Variants in ANO1 observed in about 807,000 individuals in gnomAD.
ANO1 encodes the protein anoctamin-1.
In ANO1, 59 loss-of-function variants were observed where a neutral mutation model predicts 124.0. The ratio of observed to expected loss-of-function variants is 0.48; its 90% CI spans 0.39 to 0.59. ANO1 has a LOEUF of 0.59. ANO1 is among the 20% of genes least tolerant of loss of function. The pLI is 0.00. For synonymous variants in ANO1, 529 were observed against 532.0 expected (o/e 0.99, Z 0.08); for missense variants, 1,059 against 1,328.0 (o/e 0.80, Z 3.15).
At chr11:70,002,496 G>C (rs4980574) in intron 1 of ANO1, among the ~76,000 whole-genome samples, 70,835 of 146,980 alleles carry the variant, frequency 0.48, 18,479 homozygotes, top group East Asian at 0.89. Context: ...AAACACTTAC[G>C]ATTATGTTGC....
intron 17 of ANO1, 94 bp from the exon 18 acceptor site, chr11:70,161,528 T>A: frequency 6.9e-7 from 1 of 1,444,732 alleles, no homozygotes; most frequent in South Asian, 1.2e-5. Context: ...GAGAGCCGAC[T>A]GAGTGACTGT....
intron 22 of ANO1, among the ~76,000 whole-genome samples, chr11:70,177,595 T>C (rs1433975385): frequency 1.5e-3 from 12 of 8,162 alleles, no homozygotes; most frequent in Admixed American, 4.4e-3. Context: ...TTTTTTTTTC[T>C]TTTTTTTTTT....
intron 1 of ANO1, among the ~76,000 whole-genome samples, chr11:70,042,126 G>A (rs543858447): frequency 6.6e-5 from 10 of 152,198 alleles, no homozygotes; most frequent in South Asian, 2.1e-4. Flanking sequence ...TGAGAGGCTC[G>A]CAATTCTGAC....
At chr11:69,973,973 C>T in the ANO1 span, among the ~76,000 whole-genome samples, 6 of 151,866 alleles carry the variant, frequency 4.0e-5, no homozygotes, top group African/African-American at 1.5e-4. Flanking sequence ...TGGAAGTTCA[C>T]AGGAAAAAAT....
intron 2 of ANO1, among the ~76,000 whole-genome samples, chr11:70,101,585 C>CAAAA (rs71463659): frequency 0.18 from 13,655 of 75,218 alleles, 1,166 homozygotes; most frequent in Middle Eastern, 0.25. Context: ...GATTAAAAAC[C>CAAAA]AAAAAAAAAA....
intron 1 of ANO1, among the ~76,000 whole-genome samples, chr11:69,997,623 TTG>T (rs2120341718): frequency 6.6e-6 from 1 of 152,302 alleles, no homozygotes; most frequent in Non-Finnish European, 1.5e-5. Context: ...AAATCTCACG[TTG>T]AAATGTAATC....
intron 1 of ANO1, among the ~76,000 whole-genome samples, chr11:69,990,646 G>A (rs894995283): frequency 7.9e-5 from 12 of 152,182 alleles, no homozygotes; most frequent in Non-Finnish European, 1.8e-4. Flanking sequence ...ATCCTTAGCA[G>A]CACTTGATAT....
chr11:70,104,517 C>T (rs1309764714), intron 4 of ANO1, among the ~76,000 whole-genome samples: 3 of 152,162 alleles, frequency 2.0e-5, no homozygotes, highest in Admixed American at 6.5e-5. Context: ...CAGCCTTGAG[C>T]CCCAGTAAGT....
chr11:69,997,289 C>T (rs1856288457), intron 1 of ANO1, among the ~76,000 whole-genome samples: 1 of 151,952 alleles, frequency 6.6e-6, no homozygotes. Flanking sequence ...CCCACCCCCA[C>T]CTCCACTGCA....
chr11:70,123,149 G>A (rs1030648007), intron 8 of ANO1, among the ~76,000 whole-genome samples: 2 of 152,114 alleles, frequency 1.3e-5, no homozygotes, highest in East Asian at 1.9e-4. Flanking sequence ...CAGGACTCTC[G>A]ATTCGGGGGT....
At chr11:70,080,756 G>A (rs970975482) in intron 1 of ANO1, among the ~76,000 whole-genome samples, 2 of 152,220 alleles carry the variant, frequency 1.3e-5, no homozygotes, top group African/African-American at 4.8e-5. Context: ...ACTTTGTTTT[G>A]TGAGCTTGGA....
chr11:70,077,017 T>G (rs2135156140), upstream of ANO1, among the ~76,000 whole-genome samples: 1 of 141,366 alleles, frequency 7.1e-6, no homozygotes, highest in African/African-American at 2.6e-5. Flanking sequence ...GGCTGGAAGG[T>G]GCCAGAGCTG....
At chr11:70,015,101 C>T (rs2134980895) in intron 1 of ANO1, 1 of 152,000 alleles carries the variant, frequency 6.6e-6, no homozygotes. Flanking sequence ...GGCCACTGTC[C>T]CTTTTGGCTC....
At chr11:70,056,142 A>G (rs1358325016) in intron 1 of ANO1, 3 of 152,034 alleles carry the variant, frequency 2.0e-5, no homozygotes, top group Non-Finnish European at 2.9e-5. Context: ...TCATACTTTC[A>G]TATGGGATTA....
chr11:70,079,666 T>C (rs914172331), intron 1 of ANO1, among the ~76,000 whole-genome samples: 1 of 152,182 alleles, frequency 6.6e-6, no homozygotes, highest in Non-Finnish European at 1.5e-5. Context: ...CTTCTTCCCA[T>C]GCAGACCCCA....
chr11:70,163,527 G>A (rs2048136021), intron 19 of ANO1, 187 bp downstream of exon 19: 1 of 695,296 alleles, frequency 1.4e-6, no homozygotes, highest in Non-Finnish European at 2.5e-6. Context: ...TATCTGGTGT[G>A]TTCATATAGA....
At chr11:70,111,916 C>A (rs937699761) in intron 7 of ANO1, among the ~76,000 whole-genome samples, 154 bp downstream of exon 7, 1 of 152,244 alleles carries the variant, frequency 6.6e-6, no homozygotes, top group African/African-American at 2.4e-5. Context: ...CTTCCCTGTT[C>A]CCCGGGTGGG....
intron 1 of ANO1, 36 bp from the exon 2 acceptor site, chr11:70,087,716 T>C (rs375199334): frequency 4.6e-5 from 70 of 1,536,218 alleles, no homozygotes; most frequent in Non-Finnish European, 5.8e-5. Context: ...CACGAGCAGC[T>C]CGATGGTGAA....
chr11:69,991,337 G>A (rs1424424034), intron 1 of ANO1, among the ~76,000 whole-genome samples: 2 of 152,178 alleles, frequency 1.3e-5, no homozygotes, highest in East Asian at 3.8e-4. Flanking sequence ...TGAACTTGGG[G>A]TAGGTTTGGG....
Sources: gnomAD v4.1 joint callset for allele counts (sites outside exome capture counted in the v4.1 genomes callset) on GRCh38, gnomAD v4.1.1 for gene constraint, MANE v1.5 for transcripts, NCBI Gene and HGNC (gene_info 2026-07-23, HGNC 2026-07-21) for gene names.